The following FOXP1 variants were observed in gnomAD, a reference collection of about 807,000 sequenced individuals.
FOXP1 encodes the protein forkhead box P1, also known as forkhead box protein P1.
A neutral mutation model predicts 98.2 loss-of-function variants in FOXP1; 15 were observed. The ratio of observed to expected loss-of-function variants is 0.15; its 90% CI spans 0.10 to 0.24. FOXP1 has a LOEUF of 0.24. FOXP1 is among the 10% of genes least tolerant of loss of function. The pLI is 1.00. For missense variants in FOXP1, 633 were observed against 848.5 expected, an observed-to-expected ratio of 0.75 and a Z score of 3.15; for synonymous variants, 371 against 314.5, an observed-to-expected ratio of 1.18 and a Z score of -1.90.
At chr3:70,989,125 T>TA (rs2040217597) in intron 13 of FOXP1, among the ~76,000 whole-genome samples, 1 of 151,834 alleles carries the variant, frequency 6.6e-6, no homozygotes, top group African/African-American at 2.4e-5. Flanking sequence ...TATTCCCAAA[T>TA]AAAAAAACAA....
intron 6 of FOXP1, among the ~76,000 whole-genome samples, chr3:71,159,202 A>T (rs1478651775): frequency 6.6e-6 from 1 of 152,024 alleles, no homozygotes; most frequent in Admixed American, 6.6e-5. Flanking sequence ...TGTATAAAGG[A>T]CCTGCTTCCT....
rs1250295854 is a variant in FOXP1, at chr3:71,050,109, C to G, written c.510+2428G>C. 5.3e-5 allele frequency among the ~76,000 whole-genome samples: 8 copies of G among 152,292 alleles called. No homozygotes were observed. The East Asian group carries it at 1.5e-3, about 29-fold the overall frequency. On this transcript the variant is annotated intron_variant, in intron 9 of 20. Coordinates refer to ENST00000649528, the MANE Select transcript of FOXP1 (RefSeq NM_001349338.3). ...TCCTTGTTTAGACACAAAGTGTTCT[C>G]CTTCTCCCCTACACTCCCCACCCCC...
rs114494299 is a variant in FOXP1 at position 71,583,592 on chromosome 3, T to C, written c.-468A>G. The C allele has an allele frequency of 0.021, 20,826 of 983,778 alleles. 236 individuals are homozygous for C. Among genetic ancestry groups the C allele is most frequent in the Non-Finnish European group, 0.023 (19,008 of 829,518 alleles). The allele number at this position is 983,778 out of a possible 1,614,324, so 60.9% of individuals were successfully genotyped here. ...TCACCCGCTGCAAATGGTCTCTCGGTGCAAACTAAGGTGTTTTCGGGCCTT... is the reference window on the plus strand; with the variant it reads ...TCACCCGCTGCAAATGGTCTCTCGGCGCAAACTAAGGTGTTTTCGGGCCTT... On this transcript the variant is annotated 5_prime_UTR_variant, in exon 1 of 21. Coordinates refer to ENST00000649528, the MANE Select transcript of FOXP1 (RefSeq NM_001349338.3).
chr3:71,191,823 T>C (rs185749426), intron 6 of FOXP1, among the ~76,000 whole-genome samples: 256 of 152,370 alleles, frequency 1.7e-3, no homozygotes, highest in African/African-American at 2.6e-3. Flanking sequence ...CTCAGTTTTG[T>C]TTCAATTTGT....
intron 5 of FOXP1, among the ~76,000 whole-genome samples, chr3:71,280,126 C>CAAAAAAAAAAAAAAAAAAAAAAATAAAA (rs2071373220): frequency 9.4e-6 from 1 of 106,208 alleles, no homozygotes. Context: ...CTGTCTCAAA[C>CAAAAAAAAAAAAAAAAAAAAAAATAAAA]AAAAAAAAAA....
In FOXP1 at chr3:71,308,804, T is replaced by TGG. The variant is rs1553836100; in HGVS notation, c.-72-8925_-72-8924insCC. ...GTGTGTGTGTGTGTGTGTGTGTGTG[T>TGG]GTGGGTGAGGGGGGACAGCTCCAAA... On this transcript the variant is annotated intron_variant, in intron 4 of 20. Coordinates refer to ENST00000649528, the MANE Select transcript of FOXP1 (RefSeq NM_001349338.3). 2.0e-4 allele frequency among the ~76,000 whole-genome samples: 26 copies of TGG among 128,150 alleles called. 1 individual carries two copies. Among genetic ancestry groups the TGG allele is most frequent in the African/African-American group, 6.9e-4 (25 of 36,226 alleles). The allele number at this position is 128,150 out of a possible 152,430, so 84.1% of individuals were successfully genotyped here.
intron 14 of FOXP1, among the ~76,000 whole-genome samples, chr3:70,986,448 G>T (rs1013266399): frequency 1.3e-5 from 2 of 152,262 alleles, no homozygotes; most frequent in South Asian, 2.1e-4. Flanking sequence ...TCATTCTCTC[G>T]CTTGCTGCTA....
At chr3:71,350,217 T>G (rs1577085982) in intron 4 of FOXP1, among the ~76,000 whole-genome samples, 1 of 152,160 alleles carries the variant, frequency 6.6e-6, no homozygotes, top group Admixed American at 6.5e-5. Context: ...TAAGCCAATT[T>G]TCCTGGGTCA....
chr3:71,159,578 C>T (rs2061028694), intron 6 of FOXP1, among the ~76,000 whole-genome samples: 2 of 152,180 alleles, frequency 1.3e-5, no homozygotes, highest in African/African-American at 2.4e-5. Flanking sequence ...GAGCTTTTTA[C>T]ACAAATAACC....
intron 2 of FOXP1, among the ~76,000 whole-genome samples, chr3:71,564,275 G>A (rs2046750220): frequency 6.6e-6 from 1 of 152,154 alleles, no homozygotes; most frequent in African/African-American, 2.4e-5. Context: ...TCCGTTATCT[G>A]CCTTGGCTAT....
intron 2 of FOXP1, among the ~76,000 whole-genome samples, chr3:71,496,272 T>C (rs999404371): frequency 3.3e-5 from 5 of 152,060 alleles, no homozygotes; most frequent in Admixed American, 6.5e-5. Context: ...AAAAGCACAG[T>C]AGGTGTCTGG....
rs1271707085 is a variant in FOXP1 at position 70,959,616 on chromosome 3, C to T, written c.1890-225G>A. On this transcript the variant is annotated intron_variant, in intron 20 of 20. Coordinates refer to ENST00000649528, the MANE Select transcript of FOXP1 (RefSeq NM_001349338.3). Reference sequence around the variant, plus strand: ...GCTAGCCACATTTATGTTCAAAGGCCCCATGTGACTAGCGGTTAATTCTGG... The same window carrying T: ...GCTAGCCACATTTATGTTCAAAGGCTCCATGTGACTAGCGGTTAATTCTGG... 2.0e-5 allele frequency among the ~76,000 whole-genome samples: 3 copies of T among 152,134 alleles called. No homozygotes were observed. In the East Asian group the frequency reaches 5.8e-4, roughly 29 times the overall value.
rs886058833 is a variant in FOXP1, at chr3:70,956,268, G to A, written c.*2979C>T. The A allele has an allele frequency of 8.6e-6, 2 of 233,254 alleles. No individual in the cohort carries two copies. Among genetic ancestry groups the A allele is most frequent in the Non-Finnish European group, 1.7e-5 (2 of 117,896 alleles). 14.4% of individuals were successfully genotyped at this position (233,254 alleles called of 1,614,324 possible). Reference sequence around the variant, plus strand: ...ACGTAATAAACCCCATCCTAAAGAAGCAACTGGGATAACCCCCAGGGGATA... The same window carrying A: ...ACGTAATAAACCCCATCCTAAAGAAACAACTGGGATAACCCCCAGGGGATA... On this transcript the variant is annotated 3_prime_UTR_variant, in exon 21 of 21. Transcript: ENST00000649528.
At chr3:71,438,155 A>T (rs2085550847) in intron 3 of FOXP1, among the ~76,000 whole-genome samples, 4 of 152,228 alleles carry the variant, frequency 2.6e-5, no homozygotes, top group Admixed American at 2.6e-4. Context: ...TACGCACAGG[A>T]ATTACAGGAA....
At chr3:71,379,371 A>G (rs1307220645) in intron 3 of FOXP1, among the ~76,000 whole-genome samples, 1 of 152,178 alleles carries the variant, frequency 6.6e-6, no homozygotes, top group Admixed American at 6.5e-5. Flanking sequence ...AAATTATGTC[A>G]AGGACAAAGT....
chr3:71,561,618 G>A (rs889142300), intron 2 of FOXP1, among the ~76,000 whole-genome samples: 1 of 152,114 alleles, frequency 6.6e-6, no homozygotes, highest in Non-Finnish European at 1.5e-5. Flanking sequence ...AGGATAGAAT[G>A]AATTACACAT....
At chr3:71,067,729 A>AAACACACACACACAC (rs1257302897) in intron 7 of FOXP1, among the ~76,000 whole-genome samples, 2 of 11,190 alleles carry the variant, frequency 1.8e-4, no homozygotes, top group Non-Finnish European at 3.1e-4. Flanking sequence ...CGTCTCCAAA[A>AAACACACACACACAC]ATACACACAC....
chr3:71,198,123 A>G, intron 6 of FOXP1, 79 bp downstream of exon 6: 1 of 1,612,758 alleles, frequency 6.2e-7, no homozygotes, highest in Non-Finnish European at 8.5e-7. Context: ...ACTGATCGCG[A>G]GATCGCGATT....
At chr3:71,367,877 T>G (rs529572505) in intron 3 of FOXP1, among the ~76,000 whole-genome samples, 1 of 152,158 alleles carries the variant, frequency 6.6e-6, no homozygotes, top group South Asian at 2.1e-4. Flanking sequence ...ACCACCAAAC[T>G]TTTTCCCAGA....
Sources: allele counts gnomAD v4.1 joint callset (sites outside exome capture counted in the v4.1 genomes callset), GRCh38; gene constraint gnomAD v4.1.1; transcripts MANE v1.5; gene names NCBI Gene and HGNC (gene_info 2026-07-23, HGNC 2026-07-21).